TNFSF13B: variants seen among roughly 807,000 people sequenced by gnomAD.
TNFSF13B encodes TNF superfamily member 13b.
In TNFSF13B, 8 loss-of-function variants were observed where a neutral mutation model predicts 29.1. That is an observed-to-expected ratio of 0.27 (90% CI 0.16 to 0.50). The LOEUF (loss-of-function observed/expected upper bound fraction) is 0.50. Ranked by LOEUF, TNFSF13B falls within the 20% of genes least tolerant of loss-of-function variation. The pLI, the probability that TNFSF13B is intolerant of heterozygous loss-of-function variation, is 0.98. For missense variants in TNFSF13B, 248 were observed against 334.9 expected, an observed-to-expected ratio of 0.74 and a Z score of 2.03; for synonymous variants, 125 against 130.8, an observed-to-expected ratio of 0.96 and a Z score of 0.30.
chr13:108,273,486 A>G (rs181220822), intron 2 of TNFSF13B, among the ~76,000 whole-genome samples: 249 of 152,306 alleles, frequency 1.6e-3, no homozygotes, highest in African/African-American at 5.7e-3. Context: ...TAGTCTAGAG[A>G]AATGGAAACA....
chr13:108,300,954 A>G (rs1881605847), intron 3 of TNFSF13B, among the ~76,000 whole-genome samples: 1 of 152,200 alleles, frequency 6.6e-6, no homozygotes, highest in Non-Finnish European at 1.5e-5. Flanking sequence ...TAGGAACTCA[A>G]AGATCTGACT....
intron 2 of TNFSF13B, among the ~76,000 whole-genome samples, chr13:108,280,525 A>G (rs1880909869): frequency 6.6e-6 from 1 of 152,182 alleles, no homozygotes. Flanking sequence ...TTGTGAAGCT[A>G]CTGTTCTTCA....
At chr13:108,306,765 A>T in intron 5 of TNFSF13B, 61 bp from the exon 6 acceptor site, 1 of 995,698 alleles carries the variant, frequency 1.0e-6, no homozygotes, top group Non-Finnish European at 1.5e-6. Flanking sequence ...AGTTTTATTT[A>T]AGATTCTTTT....
At chr13:108,299,434 A>C (rs999315075) in intron 3 of TNFSF13B, among the ~76,000 whole-genome samples, 3 of 109,394 alleles carry the variant, frequency 2.7e-5, no homozygotes, top group Non-Finnish European at 4.2e-5. Flanking sequence ...GTTTTCTGTT[A>C]ATGGATGTGG....
At chr13:108,281,918 T>C (rs1407301555) in intron 2 of TNFSF13B, among the ~76,000 whole-genome samples, 1 of 151,620 alleles carries the variant, frequency 6.6e-6, no homozygotes, top group Non-Finnish European at 1.5e-5. Flanking sequence ...CTTTAAGTGT[T>C]TTTTTTTTCT....
rs1881147204 is a variant in TNFSF13B at position 108,286,702 on chromosome 13, T to C, written c.425-101T>C. On this transcript the variant is annotated intron_variant, in intron 2 of 5. Transcript: ENST00000375887. Reference sequence around the variant, plus strand: ...CATGCAATCAATGTAAAAAGTATAATTGATTTAGTGTTTCTGGAAGAGTGG... The same window carrying C: ...CATGCAATCAATGTAAAAAGTATAACTGATTTAGTGTTTCTGGAAGAGTGG... The C allele has an allele frequency of 4.7e-6, 3 of 633,470 alleles. 1 individual carries two copies. In the Admixed American group the frequency reaches 8.7e-5, roughly 18 times the overall value. The allele number at this position is 633,470 out of a possible 1,614,324, so 39.2% of individuals were successfully genotyped here.
chr13:108,306,472 G>C (rs750061460), intron 5 of TNFSF13B, among the ~76,000 whole-genome samples: 2 of 151,680 alleles, frequency 1.3e-5, no homozygotes, highest in Non-Finnish European at 2.9e-5. Flanking sequence ...AACTTTCCCT[G>C]TCAACAAAAT....
chr13:108,292,294 T>A (rs1881340728), intron 3 of TNFSF13B, among the ~76,000 whole-genome samples: 3 of 152,126 alleles, frequency 2.0e-5, no homozygotes, highest in Admixed American at 6.6e-5. Flanking sequence ...CATTCTAGCA[T>A]GTATTCATAC....
chr13:108,288,668 C>G (rs1028026102), intron 3 of TNFSF13B, among the ~76,000 whole-genome samples: 1 of 152,166 alleles, frequency 6.6e-6, no homozygotes. Flanking sequence ...GCATGGTTTT[C>G]TACTTTGAAA....
At chr13:108,278,594 T>G (rs1489605914) in intron 2 of TNFSF13B, among the ~76,000 whole-genome samples, 1 of 61,002 alleles carries the variant, frequency 1.6e-5, no homozygotes, top group Non-Finnish European at 3.5e-5. Flanking sequence ...CTCCTCCCCT[T>G]CTCTTCCTCC....
Position 108,294,884 on chromosome 13 carries a change from C to T in TNFSF13B, c.481+8025C>T, listed in dbSNP as rs764961238. 4.1e-5 allele frequency among the ~76,000 whole-genome samples: 6 copies of T among 145,342 alleles called. 1 individual carries two copies. Among genetic ancestry groups the T allele is most frequent in the Admixed American group, 1.4e-4 (2 of 14,706 alleles). Reference sequence around the variant, plus strand: ...GACTTGGATTAATTAAAACTCTACACTGGTTATAGGTCTGTTTAGGTTTTT... The same window carrying T: ...GACTTGGATTAATTAAAACTCTACATTGGTTATAGGTCTGTTTAGGTTTTT... On this transcript the variant is annotated intron_variant, in intron 3 of 5. Transcript: ENST00000375887.
At chr13:108,275,305 C>G (rs1458640949) in intron 2 of TNFSF13B, among the ~76,000 whole-genome samples, 3 of 151,930 alleles carry the variant, frequency 2.0e-5, no homozygotes, top group African/African-American at 4.8e-5. Flanking sequence ...TTTTAAGAAC[C>G]TAAAGATGAA....
At position 108,308,058 on chromosome 13, in the gene TNFSF13B, T is replaced by C. The variant is rs1881829560; in HGVS notation, c.*1120T>C. ...GCTGTAATACTTATCTTTTATAACA[T>C]GTTTCCTTCGCTTTGCTTGTCTTTT... On this transcript the variant is annotated 3_prime_UTR_variant, in exon 6 of 6. Coordinates refer to ENST00000375887, the MANE Select transcript of TNFSF13B (RefSeq NM_006573.5). 6.6e-6 allele frequency: 1 copy of C among 152,080 alleles called. No homozygotes were observed. The highest frequency in any genetic ancestry group is 2.4e-5 in the African/African-American group (1 of 41,436). 9.4% of individuals were successfully genotyped at this position (152,080 alleles called of 1,614,324 possible). A position where few individuals can be genotyped will look rare whatever the true frequency, so the allele number is the denominator to read the frequency against.
intron 2 of TNFSF13B, among the ~76,000 whole-genome samples, chr13:108,274,353 A>G (rs965303539): frequency 1.9e-5 from 2 of 105,088 alleles, no homozygotes; most frequent in African/African-American, 6.5e-5. Flanking sequence ...ATGTACAAAT[A>G]TATACACATA....
At chr13:108,269,648 A>G, upstream of TNFSF13B, 2 of 431,592 alleles carry the variant, frequency 4.6e-6, no homozygotes, top group Non-Finnish European at 8.3e-6. Context: ...ACAAAAACTG[A>G]AAGTGAAATG....
chr13:108,289,752 G>A (rs936101033), intron 3 of TNFSF13B, among the ~76,000 whole-genome samples: 1 of 151,480 alleles, frequency 6.6e-6, no homozygotes, highest in African/African-American at 2.4e-5. Context: ...TCAAAGGAGC[G>A]GGGCTACGTT....
At chr13:108,284,177 G>A (rs1478506809) in intron 2 of TNFSF13B, among the ~76,000 whole-genome samples, 1 of 151,952 alleles carries the variant, frequency 6.6e-6, no homozygotes, top group Non-Finnish European at 1.5e-5. Context: ...AAAATACAAA[G>A]AATTAGCCAG....
intron 2 of TNFSF13B, among the ~76,000 whole-genome samples, chr13:108,285,422 C>T (rs1428508005): frequency 6.6e-6 from 1 of 152,188 alleles, no homozygotes; most frequent in African/African-American, 2.4e-5. Context: ...TTACACAAAC[C>T]TAGGTGGTGT....
intron 3 of TNFSF13B, among the ~76,000 whole-genome samples, chr13:108,302,350 T>C (rs1881649470): frequency 6.6e-6 from 1 of 152,172 alleles, no homozygotes; most frequent in Non-Finnish European, 1.5e-5. Flanking sequence ...TTTTTATTCA[T>C]TTTACATCAT....
Sources: allele counts gnomAD v4.1 joint callset (sites outside exome capture counted in the v4.1 genomes callset), GRCh38; gene constraint gnomAD v4.1.1; transcripts MANE v1.5; gene names NCBI Gene and HGNC (gene_info 2026-07-23, HGNC 2026-07-21).